The following CDC73 variants were observed in gnomAD, a reference collection of about 807,000 sequenced individuals.
CDC73 encodes parafibromin.
CDC73 carries 21 observed loss-of-function variants against 83.7 expected under a neutral mutation model. The observed-to-expected ratio is 0.25, with a 90% confidence interval of 0.18 to 0.36. CDC73 has a LOEUF of 0.36. Ranked by LOEUF, CDC73 falls within the 10% of genes least tolerant of loss-of-function variation. The probability of loss-of-function intolerance (pLI) is 1.00; values close to 1 mark genes in which losing one functional copy is unlikely to be tolerated. For synonymous variants in CDC73, 224 were observed against 212.9 expected (o/e 1.05, Z -0.45); for missense variants, 342 against 653.3 (o/e 0.52, Z 5.19).
At chr1:193,239,283 T>G (rs917836057) in intron 15 of CDC73, among the ~76,000 whole-genome samples, 1 of 152,210 alleles carries the variant, frequency 6.6e-6, no homozygotes, top group African/African-American at 2.4e-5. Context: ...GTATATTATC[T>G]TAGCTCTTGG....
At chr1:193,172,542 T>C (rs1676533689) in intron 10 of CDC73, among the ~76,000 whole-genome samples, 1 of 152,182 alleles carries the variant, frequency 6.6e-6, no homozygotes, top group Non-Finnish European at 1.5e-5. Context: ...GGATAGTTCA[T>C]CCCAGTTAAC....
At chr1:193,239,605 AT>A (rs936051492) in intron 15 of CDC73, among the ~76,000 whole-genome samples, 77 of 151,742 alleles carry the variant, frequency 5.1e-4, no homozygotes, top group African/African-American at 1.8e-3. Flanking sequence ...GACATTTAAA[AT>A]TTTTTTTTGT....
intron 13 of CDC73, among the ~76,000 whole-genome samples, chr1:193,216,179 C>A (rs1251725869): frequency 6.6e-6 from 1 of 151,892 alleles, no homozygotes; most frequent in African/African-American, 2.4e-5. Flanking sequence ...TGAAATAATA[C>A]GATTAATAGA....
At position 193,250,837 on chromosome 1, in the gene CDC73, G is replaced by A; in HGVS notation, c.*125G>A. 1 of 873,242 alleles carries A rather than the reference G, an allele frequency of 1.1e-6. No homozygotes were observed. Among genetic ancestry groups the A allele is most frequent in the South Asian group, 1.5e-5 (1 of 68,692 alleles). The allele number at this position is 873,242 out of a possible 1,614,324, so 54.1% of individuals were successfully genotyped here. ...CCTTATTTGATGCTTTGTGCTTCAA[G>A]GAGATGATACCTGTCATCCATATAA... On this transcript the variant is annotated 3_prime_UTR_variant, in exon 17 of 17. Transcript: ENST00000367435.
chr1:193,134,075 C>T (rs761881894), intron 3 of CDC73, among the ~76,000 whole-genome samples: 13 of 152,040 alleles, frequency 8.6e-5, no homozygotes, highest in Non-Finnish European at 1.9e-4. Context: ...ACAAATTTAA[C>T]ATAGAAATCC....
At chr1:193,191,824 A>G (rs1251316693) in intron 10 of CDC73, among the ~76,000 whole-genome samples, 2 of 152,178 alleles carry the variant, frequency 1.3e-5, no homozygotes, top group African/African-American at 4.8e-5. Context: ...TCTTATATAA[A>G]TACTTGTTCC....
At chr1:193,123,252 G>T (rs1325318481) in intron 1 of CDC73, among the ~76,000 whole-genome samples, 1 of 152,170 alleles carries the variant, frequency 6.6e-6, no homozygotes, top group African/African-American at 2.4e-5. Context: ...TTTTGAGAGG[G>T]AGTCTTGCTC....
intron 13 of CDC73, among the ~76,000 whole-genome samples, chr1:193,226,023 T>C (rs1403696844): frequency 6.6e-6 from 1 of 152,178 alleles, no homozygotes; most frequent in East Asian, 1.9e-4. Context: ...TCTTCTAGAA[T>C]TTTTCTAGTT....
intron 1 of CDC73, among the ~76,000 whole-genome samples, chr1:193,123,254 G>A (rs1352516959): frequency 6.6e-6 from 1 of 152,176 alleles, no homozygotes; most frequent in Non-Finnish European, 1.5e-5. Flanking sequence ...TTGAGAGGGA[G>A]TCTTGCTCTG....
At chr1:193,215,277 A>G (rs998605811) in intron 13 of CDC73, among the ~76,000 whole-genome samples, 1 of 152,232 alleles carries the variant, frequency 6.6e-6, no homozygotes, top group African/African-American at 2.4e-5. Flanking sequence ...ACAACTTGAA[A>G]TGTATTGTTT....
In CDC73 at chr1:193,219,610, C is replaced by G. The variant is rs116328388; in HGVS notation, c.1154+7133C>G. Among the ~76,000 whole-genome samples the G allele has an allele frequency of 2.7e-3, 404 of 152,192 alleles. 4 individuals carry two copies. Among genetic ancestry groups the G allele is most frequent in the African/African-American group, 8.9e-3 (368 of 41,512 alleles). On this transcript the variant is annotated intron_variant, in intron 13 of 16. Transcript: ENST00000367435. ...GCAGCAACATGGATGCAGCTGGAAG[C>G]CATTATCCTAACAAATTAACAGAGA...
Position 193,203,821 on chromosome 1 carries a change from G to C in CDC73, c.999G>C (p.Gln333His). Residue 333 changes from glutamine to histidine, a missense_variant, in exon 11 of 17, where the codon CAG becomes CAC. Gln to His is a conservative substitution (Grantham distance 24). This residue lies in a region of CDC73 where 239 missense variants were observed against 420.6 expected (regional missense o/e 0.57). Transcript: ENST00000367435. ...VTEGASARKTQTPAAQPVPRP... is the reference protein window; with the variant it reads ...VTEGASARKTHTPAAQPVPRP... Reference sequence around the variant, plus strand: ...AGGGTGCATCTGCCCGGAAGACTCAGACTCCTGCAGCCCAGCCAGTACCAA... The same window carrying C: ...AGGGTGCATCTGCCCGGAAGACTCACACTCCTGCAGCCCAGCCAGTACCAA... 1 of 1,613,832 alleles carries C rather than the reference G, an allele frequency of 6.2e-7. No individual in the cohort carries two copies. The highest frequency in any genetic ancestry group is 8.5e-7 in the Non-Finnish European group (1 of 1,179,802).
chr1:193,249,150 A>G (rs1006019517), intron 15 of CDC73, among the ~76,000 whole-genome samples: 2 of 151,986 alleles, frequency 1.3e-5, no homozygotes, highest in African/African-American at 4.8e-5. Flanking sequence ...ACCTTCATCA[A>G]CCACCACACC....
chr1:193,199,445 C>T (rs1343770021), intron 10 of CDC73, among the ~76,000 whole-genome samples: 1 of 152,104 alleles, frequency 6.6e-6, no homozygotes, highest in Admixed American at 6.5e-5. Context: ...GGCACGATGG[C>T]TCATGCCTGT....
intron 1 of CDC73, among the ~76,000 whole-genome samples, chr1:193,124,528 G>A (rs1387839793): frequency 6.6e-6 from 1 of 152,174 alleles, no homozygotes; most frequent in Admixed American, 6.5e-5. Context: ...GGTAATATTA[G>A]TACCTGCATT....
chr1:193,124,261 T>C (rs1017449448), intron 1 of CDC73, among the ~76,000 whole-genome samples: 3 of 152,246 alleles, frequency 2.0e-5, no homozygotes, highest in Non-Finnish European at 4.4e-5. Flanking sequence ...CAATACTTAC[T>C]CTTCTTATTG....
At chr1:193,185,914 C>G (rs1421377300) in intron 10 of CDC73, 1 of 152,126 alleles carries the variant, frequency 6.6e-6, no homozygotes, top group Non-Finnish European at 1.5e-5. Context: ...TTCATAGTTT[C>G]AAGGGCAGTG....
At chr1:193,223,663 C>G (rs1677510947) in intron 13 of CDC73, among the ~76,000 whole-genome samples, 1 of 152,016 alleles carries the variant, frequency 6.6e-6, no homozygotes, top group Non-Finnish European at 1.5e-5. Flanking sequence ...AGAATTTGGA[C>G]TTATTTTCTA....
At chr1:193,171,828 A>G (rs1032852214) in intron 10 of CDC73, among the ~76,000 whole-genome samples, 3 of 152,090 alleles carry the variant, frequency 2.0e-5, no homozygotes, top group Non-Finnish European at 4.4e-5. Flanking sequence ...ATACCACCAC[A>G]CTCAATCAAT....
Sources: gnomAD v4.1 joint callset for allele counts (sites outside exome capture counted in the v4.1 genomes callset) on GRCh38, gnomAD v4.1.1 for gene constraint, gnomAD v4.1.1 regional missense constraint, MANE v1.5 for transcripts, NCBI Gene and HGNC (gene_info 2026-07-23, HGNC 2026-07-21) for gene names.